The following MYO9B variants were observed in gnomAD, a reference collection of about 807,000 sequenced individuals.
MYO9B encodes the protein myosin IXB.
Under a neutral mutation model 229.5 loss-of-function variants are expected in MYO9B, and 71 were observed. The observed-to-expected ratio is 0.31, with a 90% CI of 0.26 to 0.38. The LOEUF (loss-of-function observed/expected upper bound fraction) is 0.38, where lower values mean the gene tolerates loss of function less well. Ranked by LOEUF, MYO9B falls within the 10% of genes least tolerant of loss-of-function variation. MYO9B has a pLI of 1.00. For synonymous variants in MYO9B, 1,185 were observed against 1,235.8 expected (o/e 0.96, Z 0.86); for missense variants, 2,255 against 2,920.5 (o/e 0.77, Z 5.25).
intron 8 of MYO9B, among the ~76,000 whole-genome samples, chr19:17,160,053 C>A (rs748092035): frequency 3.3e-5 from 5 of 152,154 alleles, no homozygotes; most frequent in Non-Finnish European, 5.9e-5. Flanking sequence ...CTGGTCTTTG[C>A]CCCAGCCTGG....
intron 2 of MYO9B, among the ~76,000 whole-genome samples, chr19:17,126,346 G>A (rs915558066): frequency 3.9e-5 from 6 of 152,144 alleles, no homozygotes; most frequent in African/African-American, 1.4e-4. Context: ...AGTCACCCAG[G>A]GTGACACTCA....
In MYO9B at chr19:17,154,443, C is replaced by T. The variant is rs757717752; in HGVS notation, c.1199+28C>T. On this transcript the variant is annotated intron_variant, in intron 6 of 39. Transcript: ENST00000682292. ...AAGTGTGCGGGCTCCCGGGGCCTGT[C>T]CCCCAGAGCCTACAGGGGGCACGCA... 1.7e-5 allele frequency: 26 copies of T among 1,569,798 alleles called. No homozygotes were observed. The South Asian group carries it at 2.8e-4, about 17-fold the overall frequency.
chr19:17,152,856 A>G (rs1254809239), intron 4 of MYO9B, 150 bp downstream of exon 4: 30 of 654,152 alleles, frequency 4.6e-5, no homozygotes, highest in Non-Finnish European at 7.3e-5. Flanking sequence ...CTGCCCATCC[A>G]TCTTCTCCCC....
intron 2 of MYO9B, among the ~76,000 whole-genome samples, chr19:17,137,448 G>A (rs1441396103): frequency 1.3e-5 from 2 of 152,058 alleles, no homozygotes; most frequent in Admixed American, 6.6e-5. Context: ...CTCATGTGGT[G>A]ACCCAGTCCG....
chr19:17,093,703 G>A (rs917737913), intron 1 of MYO9B, among the ~76,000 whole-genome samples: 3 of 128,542 alleles, frequency 2.3e-5, no homozygotes, highest in Non-Finnish European at 5.1e-5. Context: ...TGGGGGGGGG[G>A]GTGGTTTGAG....
chr19:17,187,987 G>A lies in MYO9B; in HGVS notation c.2630G>A (p.Gly877Asp), dbSNP rs867321878. The stretch of plus-strand genomic sequence containing the variant: ...GTCCTGCAGCAGCTGCGCTACACCG[G>A]CATGCTGGAGACCGTGCGCATCCGG... The part of the protein sequence containing the change: ...ELVLQQLRYT[G>D]MLETVRIRRS... The change falls in exon 19 of 40, where the codon GGC (glycine) becomes GAC (aspartate). Residue 877 changes from glycine to aspartate, a missense_variant. Physicochemically the swap from Gly to Asp is moderately conservative, Grantham distance 94 (BLOSUM62 -1). Coordinates refer to ENST00000682292, the MANE Select transcript of MYO9B (RefSeq NM_004145.4). The A allele has an allele frequency of 1.9e-6, 3 of 1,601,206 alleles. No individual in the cohort carries two copies. The highest frequency in any genetic ancestry group is 2.6e-6 in the Non-Finnish European group (3 of 1,174,128).
At chr19:17,181,170 A>G in intron 15 of MYO9B, 130 bp downstream of exon 15, 1 of 592,184 alleles carries the variant, frequency 1.7e-6, no homozygotes, top group Non-Finnish European at 3.0e-6. Context: ...CTCATGGCCC[A>G]CCCCCAGCCA....
intron 8 of MYO9B, among the ~76,000 whole-genome samples, chr19:17,161,419 A>G (rs903432235): frequency 2.0e-5 from 3 of 152,072 alleles, no homozygotes; most frequent in Non-Finnish European, 4.4e-5. Flanking sequence ...TGGCTCACGC[A>G]TGTAATCCCA....
At chr19:17,160,103 C>G (rs771765409) in intron 8 of MYO9B, among the ~76,000 whole-genome samples, 5 of 152,182 alleles carry the variant, frequency 3.3e-5, no homozygotes, top group Admixed American at 2.0e-4. Context: ...ATTTTTACAT[C>G]TCAAGAGCAG....
intron 1 of MYO9B, among the ~76,000 whole-genome samples, chr19:17,082,890 G>A (rs1238218658): frequency 6.6e-6 from 1 of 152,116 alleles, no homozygotes; most frequent in East Asian, 1.9e-4. Context: ...ACCGGGGCAG[G>A]TACGTCCTCA....
chr19:17,157,384 A>G (rs536716493), intron 7 of MYO9B: 8 of 211,970 alleles, frequency 3.8e-5, no homozygotes, highest in African/African-American at 1.4e-4. Context: ...GCAAAACCTC[A>G]TCTCTACTAA....
chr19:17,157,858 G>A (rs2072554479), intron 7 of MYO9B: 1 of 152,228 alleles, frequency 6.6e-6, no homozygotes, highest in Admixed American at 6.6e-5. Flanking sequence ...TCCAGCCTGG[G>A]TGAGTGACAG....
intron 2 of MYO9B, among the ~76,000 whole-genome samples, chr19:17,140,041 CA>C (rs890338138): frequency 2.1e-5 from 3 of 142,642 alleles, no homozygotes; most frequent in Admixed American, 7.0e-5. Context: ...AACTCTGTCT[CA>C]AAAAAAAAAG....
chr19:17,200,102 A>T (rs1282065563), intron 24 of MYO9B, among the ~76,000 whole-genome samples, 191 bp from the exon 25 acceptor site: 1 of 151,732 alleles, frequency 6.6e-6, no homozygotes, highest in Non-Finnish European at 1.5e-5. Flanking sequence ...CAAACTCCTG[A>T]CCTCAGATGA....
At chr19:17,090,366 GTC>G (rs1255983055) in intron 1 of MYO9B, among the ~76,000 whole-genome samples, 2 of 151,956 alleles carry the variant, frequency 1.3e-5, no homozygotes, top group Non-Finnish European at 2.9e-5. Context: ...CCCGAGGCTG[GTC>G]TTGAACTCAT....
rs945901127 is a variant in MYO9B, at chr19:17,102,366, G to T, written c.649G>T (p.Ala217Ser). The T allele has an allele frequency of 1.2e-6, 2 of 1,613,888 alleles. No homozygotes were observed. The highest frequency in any genetic ancestry group is 2.7e-5 in the African/African-American group (2 of 74,922). The change falls in exon 2 of 40, where the codon GCG becomes TCG. Residue 217 changes from alanine to serine, a missense_variant. Around this residue, in one of 7 missense-constraint regions of MYO9B, gnomAD observed 386 missense variants for 515.2 expected, o/e 0.75. Transcript: ENST00000682292. ...QLGKLEPHVFALADVAYYTML... is the reference protein window; with the variant it reads ...QLGKLEPHVFSLADVAYYTML... ...GGGCAAGCTGGAGCCACACGTCTTC[G>T]CGCTGGCCGACGTGGCCTACTACAC...
chr19:17,100,910 C>T (rs942597148), intron 1 of MYO9B, among the ~76,000 whole-genome samples: 4 of 151,702 alleles, frequency 2.6e-5, no homozygotes, highest in Non-Finnish European at 5.9e-5. Context: ...TTGCTCATCC[C>T]CACATGCCTC....
chr19:17,094,288 G>A (rs1168979094), intron 1 of MYO9B, among the ~76,000 whole-genome samples: 4 of 151,436 alleles, frequency 2.6e-5, no homozygotes, highest in Non-Finnish European at 5.9e-5. Context: ...GCCCACCTTG[G>A]CCTCTCAAAG....
chr19:17,135,771 C>T (rs921679533), intron 2 of MYO9B, among the ~76,000 whole-genome samples: 6 of 152,142 alleles, frequency 3.9e-5, no homozygotes, highest in Non-Finnish European at 5.9e-5. Flanking sequence ...AGGGGCCCCT[C>T]ATATCCCAAG....
Sources: gnomAD v4.1 joint callset for allele counts (sites outside exome capture counted in the v4.1 genomes callset) on GRCh38, gnomAD v4.1.1 for gene constraint, gnomAD v4.1.1 regional missense constraint, MANE v1.5 for transcripts, NCBI Gene and HGNC (gene_info 2026-07-23, HGNC 2026-07-21) for gene names.